FKBP5: variants seen among roughly 807,000 people sequenced by gnomAD.
FKBP5 encodes FKBP prolyl isomerase 5.
A neutral mutation model predicts 50.5 loss-of-function variants in FKBP5; 23 were observed. The observed-to-expected ratio is 0.46, with a 90% CI of 0.33 to 0.65. The LOEUF (loss-of-function observed/expected upper bound fraction) is 0.65. Ranked by LOEUF, FKBP5 falls within the 30% of genes least tolerant of loss-of-function variation. The pLI is 0.02. For synonymous variants in FKBP5, 176 were observed against 190.6 expected (o/e 0.92, Z 0.63); for missense variants, 411 against 553.1 (o/e 0.74, Z 2.58).
intron 1 of FKBP5, among the ~76,000 whole-genome samples, chr6:35,657,119 G>A (rs1232145628): frequency 6.6e-6 from 1 of 151,656 alleles, no homozygotes; most frequent in Admixed American, 6.6e-5. Context: ...GGAGGCTGAG[G>A]CAGAAGAATG....
intron 2 of FKBP5, among the ~76,000 whole-genome samples, chr6:35,718,845 G>A (rs1381444815): frequency 1.3e-5 from 2 of 152,192 alleles, no homozygotes; most frequent in Non-Finnish European, 2.9e-5. Flanking sequence ...ACCTTGAAGA[G>A]GAAGGCAAGA....
intron 3 of FKBP5, among the ~76,000 whole-genome samples, chr6:35,634,256 T>C (rs1764245014): frequency 6.6e-6 from 1 of 152,138 alleles, no homozygotes; most frequent in Admixed American, 6.6e-5. Context: ...TCAGTCACTC[T>C]TAGGTCACCT....
At chr6:35,714,040 G>A (rs1252737855) in intron 2 of FKBP5, among the ~76,000 whole-genome samples, 1 of 151,788 alleles carries the variant, frequency 6.6e-6, no homozygotes, top group Non-Finnish European at 1.5e-5. Flanking sequence ...CACTTCTCAG[G>A]GGGTCTGTCT....
chr6:35,608,599 A>T (rs948090598), intron 5 of FKBP5, among the ~76,000 whole-genome samples: 7 of 152,090 alleles, frequency 4.6e-5, no homozygotes, highest in Middle Eastern at 3.2e-3. Flanking sequence ...AGGTGGGAGG[A>T]TGGCTTGAGG....
At chr6:35,654,144 T>C (rs17614642) in intron 1 of FKBP5, among the ~76,000 whole-genome samples, 8,769 of 152,282 alleles carry the variant, frequency 0.058, 361 homozygotes, top group Non-Finnish European at 0.087. Context: ...TGGTTTATCA[T>C]AGTTATTTGC....
At chr6:35,723,152 G>C (rs1370865157) in intron 1 of FKBP5, among the ~76,000 whole-genome samples, 4 of 152,170 alleles carry the variant, frequency 2.6e-5, no homozygotes, top group African/African-American at 9.7e-5. Flanking sequence ...AGAATTGCTT[G>C]AATCCGGGAG....
At position 35,610,591 on chromosome 6, in the gene FKBP5, A is replaced by AAAAG. The variant is rs71002577; in HGVS notation, c.508+8504_508+8505insCTTT. Among the ~76,000 whole-genome samples, 60 of 147,992 alleles carry AAAAG rather than the reference A, an allele frequency of 4.1e-4. 1 individual carries two copies. The highest frequency in any genetic ancestry group is 7.0e-4 in the Non-Finnish European group (47 of 66,792). On this transcript the variant is annotated intron_variant, in intron 5 of 10. Coordinates refer to ENST00000357266, the MANE Select transcript of FKBP5 (RefSeq NM_004117.4). ...TCAAAAAAAAAAAAAAAAAAAAAAA[A>AAAAG]GTTTCAAAAAATACATTCATTTTCC...
Position 35,581,181 on chromosome 6 carries a change from A to G in FKBP5, c.841-960T>C, listed in dbSNP as rs1762415411. 4 of 982,854 alleles carry G rather than the reference A, an allele frequency of 4.1e-6. No homozygotes were observed. The South Asian group carries it at 1.9e-4, about 46-fold the overall frequency. The allele number at this position is 982,854 out of a possible 1,614,324, so 60.9% of individuals were successfully genotyped here. A position where few individuals can be genotyped will look rare whatever the true frequency, so the allele number is the denominator to read the frequency against. ...AGGCAATGGGAATATGAATAGTTGG[A>G]TAGTAGCATACAACATAAATAACAA... On this transcript the variant is annotated intron_variant, in intron 8 of 10. Coordinates refer to ENST00000357266, the MANE Select transcript of FKBP5 (RefSeq NM_004117.4).
At chr6:35,671,538 C>T (rs972607848) in intron 1 of FKBP5, among the ~76,000 whole-genome samples, 3 of 151,952 alleles carry the variant, frequency 2.0e-5, no homozygotes, top group Non-Finnish European at 4.4e-5. Context: ...CAAATAGTAT[C>T]TATAAAATGA....
intron 1 of FKBP5, among the ~76,000 whole-genome samples, chr6:35,725,895 C>T (rs1244476124): frequency 2.6e-5 from 4 of 152,134 alleles, no homozygotes; most frequent in African/African-American, 7.2e-5. Flanking sequence ...TCCTCCTCCC[C>T]CACTTCTCCC....
At chr6:35,698,235 G>A (rs1404256246) in intron 2 of FKBP5, among the ~76,000 whole-genome samples, 3 of 152,096 alleles carry the variant, frequency 2.0e-5, no homozygotes, top group Non-Finnish European at 4.4e-5. Context: ...CCAGCTACTC[G>A]GGAGGCTGAG....
At chr6:35,634,465 G>C (rs998119347) in intron 3 of FKBP5, among the ~76,000 whole-genome samples, 14 of 152,152 alleles carry the variant, frequency 9.2e-5, no homozygotes, top group African/African-American at 3.4e-4. Flanking sequence ...AAGGAGAAGA[G>C]AGCAGGGGCG....
intron 1 of FKBP5, among the ~76,000 whole-genome samples, chr6:35,727,747 G>C (rs967360091): frequency 6.6e-6 from 1 of 152,094 alleles, no homozygotes; most frequent in African/African-American, 2.4e-5. Flanking sequence ...CCCCCGGACT[G>C]AGCGCTGGAG....
rs773340089 is a variant in FKBP5 at position 35,620,154 on chromosome 6, G to A, written c.371C>T (p.Ser124Leu). The A allele has an allele frequency of 3.7e-6, 6 of 1,613,992 alleles. No individual in the cohort carries two copies. The highest frequency in any genetic ancestry group is 2.2e-5 in the East Asian group (1 of 44,884). ...TGCCTCAAAAAAGAGAGTTGCATTCGAGGGAATTTTAGGGAGACTGCCAGC... is the reference window on the plus strand; with the variant it reads ...TGCCTCAAAAAAGAGAGTTGCATTCAAGGGAATTTTAGGGAGACTGCCAGC... ...GSAGSLPKIPSNATLFFEIEL... is the reference protein window; with the variant it reads ...GSAGSLPKIPLNATLFFEIEL... The change falls in exon 4 of 11, where the codon TCG becomes TTG. Residue 124 changes from serine (S) to leucine (L), a missense_variant. This residue lies in a region of FKBP5 where 267 missense variants were observed against 405.9 expected (regional missense o/e 0.66). Coordinates refer to ENST00000357266, the MANE Select transcript of FKBP5 (RefSeq NM_004117.4).
At chr6:35,631,725 G>A (rs573602568) in intron 3 of FKBP5, among the ~76,000 whole-genome samples, 2 of 152,150 alleles carry the variant, frequency 1.3e-5, no homozygotes, top group African/African-American at 2.4e-5. Flanking sequence ...GGGAGGCCGA[G>A]GTGGGTGGAT....
intron 2 of FKBP5, among the ~76,000 whole-genome samples, chr6:35,717,385 T>C (rs550283494): frequency 1.1e-3 from 171 of 152,302 alleles, no homozygotes; most frequent in Non-Finnish European, 1.7e-3. Flanking sequence ...TGTGTGCCCA[T>C]GTATTCATGT....
At chr6:35,623,860 G>A (rs1443804578) in intron 3 of FKBP5, among the ~76,000 whole-genome samples, 4 of 151,896 alleles carry the variant, frequency 2.6e-5, no homozygotes, top group Non-Finnish European at 5.9e-5. Context: ...AGGACTACAG[G>A]TGAATACCAC....
chr6:35,587,218 C>T, intron 7 of FKBP5, 101 bp from the exon 8 acceptor site: 1 of 1,024,028 alleles, frequency 9.8e-7, no homozygotes, highest in Non-Finnish European at 1.5e-6. Flanking sequence ...ATACTCCAAA[C>T]TGAAAACACT....
intron 8 of FKBP5, chr6:35,581,755 A>G (rs887691418): frequency 1.0e-6 from 1 of 985,362 alleles, no homozygotes; most frequent in Non-Finnish European, 1.2e-6. Flanking sequence ...ATAAGCTCAA[A>G]ACCACAGATG....
Sources: allele counts gnomAD v4.1 joint callset (sites outside exome capture counted in the v4.1 genomes callset), GRCh38; gene constraint gnomAD v4.1.1; regional missense constraint gnomAD v4.1.1; transcripts MANE v1.5; gene names NCBI Gene and HGNC (gene_info 2026-07-23, HGNC 2026-07-21).